The following SOX5 variants were observed in gnomAD, a reference collection of about 807,000 sequenced individuals.
The protein encoded by SOX5 is SRY-box transcription factor 5.
In SOX5, 9 loss-of-function variants were observed where a neutral mutation model predicts 92.0. The observed-to-expected ratio is 0.10, with a 90% CI of 0.06 to 0.17. The LOEUF (loss-of-function observed/expected upper bound fraction) is 0.17, where lower values mean the gene tolerates loss of function less well. SOX5 is among the 10% of genes least tolerant of loss of function. The pLI, the probability that SOX5 is intolerant of heterozygous loss-of-function variation, is 1.00. For missense variants in SOX5, 642 were observed against 944.5 expected, an observed-to-expected ratio of 0.68 and a Z score of 4.20; for synonymous variants, 344 against 336.3, an observed-to-expected ratio of 1.02 and a Z score of -0.25.
chr12:24,358,894 G>A (rs574249465), intron 2 of SOX5, among the ~76,000 whole-genome samples: 1 of 152,178 alleles, frequency 6.6e-6, no homozygotes, highest in Admixed American at 6.5e-5. Flanking sequence ...TAGACACTCT[G>A]GATAGTATTA....
chr12:24,398,862 C>T (rs1472710175), intron 1 of SOX5, among the ~76,000 whole-genome samples: 1 of 151,888 alleles, frequency 6.6e-6, no homozygotes, highest in African/African-American at 2.4e-5. Context: ...ACATGAGATA[C>T]CAGTGCTGTG....
chr12:24,310,609 C>A (rs1949073334), intron 2 of SOX5, among the ~76,000 whole-genome samples: 1 of 152,084 alleles, frequency 6.6e-6, no homozygotes, highest in Admixed American at 6.6e-5. Context: ...CCTACAAAAT[C>A]TAACTTTGTA....
intron 3 of SOX5, among the ~76,000 whole-genome samples, chr12:24,254,296 T>A (rs1481379678): frequency 1.3e-5 from 2 of 151,728 alleles, no homozygotes; most frequent in African/African-American, 4.8e-5. Flanking sequence ...AAAGGCAAGT[T>A]AGAAAATGTA....
At chr12:23,974,808 T>G (rs1041589628) in intron 4 of SOX5, among the ~76,000 whole-genome samples, 6 of 151,726 alleles carry the variant, frequency 4.0e-5, no homozygotes, top group Non-Finnish European at 7.4e-5. Flanking sequence ...TAAGGAAAAC[T>G]GGTCAAAAAA....
intron 4 of SOX5, among the ~76,000 whole-genome samples, chr12:24,027,467 A>G (rs1324956441): frequency 6.6e-6 from 1 of 151,964 alleles, no homozygotes; most frequent in Non-Finnish European, 1.5e-5. Flanking sequence ...ATTATCCCCA[A>G]CATGCAGTAA....
At chr12:24,231,031 G>A (rs764441671) in intron 3 of SOX5, among the ~76,000 whole-genome samples, 5 of 152,076 alleles carry the variant, frequency 3.3e-5, no homozygotes, top group East Asian at 1.9e-4. Context: ...GGAAATTTCC[G>A]TTATCTAAAT....
At chr12:24,342,969 A>T (rs1330994826) in intron 2 of SOX5, among the ~76,000 whole-genome samples, 2 of 152,242 alleles carry the variant, frequency 1.3e-5, no homozygotes, top group Non-Finnish European at 2.9e-5. Flanking sequence ...GTCGCTAAAT[A>T]CTTACTCAAC....
chr12:23,584,015 T>G (rs986126561), intron 9 of SOX5, among the ~76,000 whole-genome samples: 1 of 152,084 alleles, frequency 6.6e-6, no homozygotes, highest in African/African-American at 2.4e-5. Context: ...CTGATCAAAT[T>G]CTACTATCAT....
At chr12:24,445,032 C>A (rs1941250975) in intron 1 of SOX5, among the ~76,000 whole-genome samples, 1 of 152,140 alleles carries the variant, frequency 6.6e-6, no homozygotes, top group Non-Finnish European at 1.5e-5. Flanking sequence ...TCTGAAAGAA[C>A]TGAGATAGTA....
intron 1 of SOX5, among the ~76,000 whole-genome samples, chr12:24,450,553 G>A (rs1195169988): frequency 6.6e-6 from 1 of 151,766 alleles, no homozygotes; most frequent in Non-Finnish European, 1.5e-5. Context: ...GGAATGCAGT[G>A]GTACAATCTC....
At chr12:24,484,082 A>G (rs938517767) in intron 1 of SOX5, among the ~76,000 whole-genome samples, 1 of 152,188 alleles carries the variant, frequency 6.6e-6, no homozygotes, top group African/African-American at 2.4e-5. Flanking sequence ...CTGTATGGAG[A>G]GTCCCAGGTC....
At chr12:24,383,816 C>T (rs549086192) in intron 1 of SOX5, among the ~76,000 whole-genome samples, 1 of 152,196 alleles carries the variant, frequency 6.6e-6, no homozygotes, top group South Asian at 2.1e-4. Flanking sequence ...CACCTCAGAT[C>T]ATCAGGCATT....
At chr12:23,641,182 G>T (rs10842199) in intron 7 of SOX5, among the ~76,000 whole-genome samples, 65,345 of 151,716 alleles carry the variant, frequency 0.43, 14,201 homozygotes, top group South Asian at 0.55. Context: ...GGCTGCACTT[G>T]ATAACACACA....
At chr12:24,263,476 C>G (rs544786041) in intron 3 of SOX5, among the ~76,000 whole-genome samples, 1 of 128,854 alleles carries the variant, frequency 7.8e-6, no homozygotes, top group Non-Finnish European at 1.6e-5. Context: ...TGCAGCGAAC[C>G]GAGGCCGTGT....
intron 4 of SOX5, among the ~76,000 whole-genome samples, chr12:24,018,710 T>G (rs934896283): frequency 1.2e-4 from 19 of 152,008 alleles, no homozygotes; most frequent in African/African-American, 4.4e-4. Flanking sequence ...GGCAGGAGAA[T>G]CGCTTGAACC....
At chr12:24,402,434 C>T (rs941078655) in intron 1 of SOX5, among the ~76,000 whole-genome samples, 30 of 152,222 alleles carry the variant, frequency 2.0e-4, no homozygotes, top group African/African-American at 6.8e-4. Context: ...CTGTTCCTCA[C>T]ACCAACATAG....
intron 2 of SOX5, among the ~76,000 whole-genome samples, chr12:24,320,456 C>T (rs1025854126): frequency 3.9e-5 from 6 of 152,132 alleles, no homozygotes; most frequent in Non-Finnish European, 8.8e-5. Flanking sequence ...TTCTTCAGAG[C>T]AAAGTCTTAT....
Position 24,449,159 on chromosome 12 carries a change from G to A in SOX5, c.-250-80520C>T, listed in dbSNP as rs141568758. Among the ~76,000 whole-genome samples, 449 of 152,218 alleles carry A rather than the reference G, an allele frequency of 2.9e-3. 3 individuals carry two copies. The highest frequency in any genetic ancestry group is 0.01 in the African/African-American group (429 of 41,534). On this transcript the variant is annotated intron_variant, in intron 1 of 4. Transcript: ENST00000446891. ...ATTTATCATTCACAAAGCAATCAGAGGGAAGACTACACAGTCTACAACCTC... is the reference window on the plus strand; with the variant it reads ...ATTTATCATTCACAAAGCAATCAGAAGGAAGACTACACAGTCTACAACCTC...
chr12:23,536,828 T>C (rs1040210707), intron 13 of SOX5, among the ~76,000 whole-genome samples, 159 bp from the exon 14 acceptor site: 5 of 151,960 alleles, frequency 3.3e-5, no homozygotes, highest in African/African-American at 9.7e-5. Flanking sequence ...AGAACAGAGG[T>C]GGTGGTGGTT....
Sources: allele counts gnomAD v4.1 joint callset (sites outside exome capture counted in the v4.1 genomes callset), GRCh38; gene constraint gnomAD v4.1.1; transcripts MANE v1.5; gene names NCBI Gene and HGNC (gene_info 2026-07-23, HGNC 2026-07-21).